Variants in ATP11C observed in about 807,000 individuals in gnomAD.
The protein encoded by ATP11C is phospholipid-transporting ATPase IG.
In ATP11C, 36 loss-of-function variants were observed where a neutral mutation model predicts 97.4. That is an observed-to-expected ratio of 0.37 (90% CI 0.28 to 0.49). The LOEUF is 0.49. Among genes scored for constraint, ATP11C ranks in the 20% least tolerant of loss-of-function variants. The pLI is 0.98. For missense variants in ATP11C, 730 were observed against 824.6 expected (o/e 0.89, Z 1.40); for synonymous variants, 275 against 290.9 (o/e 0.95, Z 0.56).
chrX:139,880,709 T>C (rs2084548184), intron 1 of ATP11C, among the ~76,000 whole-genome samples: 1 of 111,928 alleles, frequency 8.9e-6, no homozygotes, highest in Non-Finnish European at 1.9e-5. Flanking sequence ...GGGGGATACA[T>C]CATGCACTCG....
intron 1 of ATP11C, among the ~76,000 whole-genome samples, chrX:139,892,989 AAGG>A (rs2084752938): frequency 8.9e-6 from 1 of 112,025 alleles, no homozygotes. Context: ...CACAGAAAGA[AAGG>A]AGAAGAGGAA....
At chrX:139,863,095 T>C (rs2084229123) in intron 1 of ATP11C, among the ~76,000 whole-genome samples, 1 of 111,813 alleles carries the variant, frequency 8.9e-6, no homozygotes, top group Admixed American at 9.5e-5. Context: ...CTGCCAAAAT[T>C]ATACCATGTG....
chrX:139,743,787 C>G (rs1415461842), intron 25 of ATP11C, among the ~76,000 whole-genome samples, 163 bp from the exon 26 acceptor site: 1 of 111,420 alleles, frequency 9.0e-6, no homozygotes, highest in Non-Finnish European at 1.9e-5. Flanking sequence ...GGCCACAATG[C>G]CAGATTTTCC....
intron 1 of ATP11C, among the ~76,000 whole-genome samples, chrX:139,887,839 C>T (rs1171217756): frequency 9.3e-6 from 1 of 107,297 alleles, no homozygotes; most frequent in Non-Finnish European, 1.9e-5. Flanking sequence ...GGCATGGTAG[C>T]ATGCACCTAT....
At chrX:139,850,276 G>A (rs760755316) in intron 1 of ATP11C, among the ~76,000 whole-genome samples, 4 of 111,199 alleles carry the variant, frequency 3.6e-5, no homozygotes, top group Non-Finnish European at 3.8e-5. Flanking sequence ...CGTGCTATGG[G>A]GAAAGTCTGA....
At chrX:139,841,696 G>A (rs2083834107) in intron 1 of ATP11C, among the ~76,000 whole-genome samples, 1 of 112,193 alleles carries the variant, frequency 8.9e-6, no homozygotes, top group East Asian at 2.8e-4. Context: ...CACCTAAGTG[G>A]TATATTTCAA....
chrX:139,906,389 C>A, intron 1 of ATP11C, among the ~76,000 whole-genome samples: 1 of 103,871 alleles, frequency 9.6e-6, no homozygotes, highest in African/African-American at 3.5e-5. Flanking sequence ...TGTACTCCAG[C>A]CTTGGTGACA....
In ATP11C at chrX:139,763,364, C is replaced by T; in HGVS notation, c.2446G>A (p.Asp816Asn). The T allele has an allele frequency of 8.3e-7, 1 of 1,210,718 alleles. No individual in the cohort carries two copies. Among genetic ancestry groups the T allele is most frequent in the Non-Finnish European group, 1.1e-6 (1 of 894,387 alleles). Residue 816 changes from aspartate to asparagine, a missense_variant, in exon 21 of 30, where the codon GAT (aspartate) becomes AAT (asparagine). Physicochemically the swap from Asp to Asn is conservative, Grantham distance 23. Transcript: ENST00000682941. Reference protein sequence around the residue: ...KGSPITLSIGDGANDVSMILE... With the variant: ...KGSPITLSIGNGANDVSMILE... ...ATCATACTAACATCATTGGCACCAT[C>T]ACCTATCGACAGAGTTATTGGGCTG...
intron 1 of ATP11C, among the ~76,000 whole-genome samples, chrX:139,876,248 T>C (rs2148031948): frequency 8.9e-6 from 1 of 112,023 alleles, no homozygotes; most frequent in South Asian, 3.7e-4. Context: ...CTACAGCCAC[T>C]TCTCTAACAA....
rs957713375 is a variant in ATP11C, at chrX:139,856,871, T to C, written c.28-30048A>G. On this transcript the variant is annotated intron_variant, in intron 1 of 29. Transcript: ENST00000682941. ...ATGGCTTGGGAAAATAGGACAGCCT[T>C]AGACATGATATTAGCAGAAAGAGGA... 7.2e-5 allele frequency among the ~76,000 whole-genome samples: 8 copies of C among 111,809 alleles called. No homozygotes were observed. In the South Asian group the frequency reaches 1.9e-3, roughly 26 times the overall value.
intron 1 of ATP11C, among the ~76,000 whole-genome samples, chrX:139,906,028 A>C (rs1241341407): frequency 9.0e-6 from 1 of 111,207 alleles, no homozygotes; most frequent in Non-Finnish European, 1.9e-5. Flanking sequence ...TCTACAGTCC[A>C]AGTATGTGCA....
chrX:139,841,573 A>G (rs2083831361), intron 1 of ATP11C, among the ~76,000 whole-genome samples: 1 of 112,113 alleles, frequency 8.9e-6, no homozygotes, highest in Admixed American at 9.4e-5. Flanking sequence ...AGAGGTAAGG[A>G]AAACTCTCCT....
At chrX:139,873,302 T>G (rs1460166408) in intron 1 of ATP11C, among the ~76,000 whole-genome samples, 1 of 112,339 alleles carries the variant, frequency 8.9e-6, no homozygotes, top group Non-Finnish European at 1.9e-5. Context: ...GTTTATTGTT[T>G]AATGAATACA....
intron 24 of ATP11C, among the ~76,000 whole-genome samples, chrX:139,747,346 CATG>C (rs1270232275): frequency 9.0e-6 from 1 of 111,426 alleles, no homozygotes; most frequent in Non-Finnish European, 1.9e-5. Flanking sequence ...GCAGGAGCAG[CATG>C]ATATGTTGAA....
intron 1 of ATP11C, among the ~76,000 whole-genome samples, chrX:139,887,903 G>A (rs1305188146): frequency 2.9e-5 from 3 of 104,528 alleles, no homozygotes; most frequent in Non-Finnish European, 3.9e-5. Context: ...CCCAGGAGGC[G>A]GAGGTTTCAG....
chrX:139,768,134 T>C, intron 20 of ATP11C, 126 bp downstream of exon 20: 1 of 459,461 alleles, frequency 2.2e-6, no homozygotes, highest in Non-Finnish European at 3.2e-6. Flanking sequence ...AAAGAAGCCT[T>C]GGAGGAAGAA....
intron 23 of ATP11C, among the ~76,000 whole-genome samples, chrX:139,752,567 G>T (rs1185154735): frequency 9.0e-6 from 1 of 111,517 alleles, no homozygotes; most frequent in African/African-American, 3.3e-5. Context: ...TTTGTGCTTG[G>T]TAAACATATT....
chrX:139,805,382 T>C lies in ATP11C; in HGVS notation c.427-783A>G, dbSNP rs917463474. ...GACCTTAAATAAGTGTCTTAGACGATTGCAACTACCTCAGAGAATTAATGT... is the reference window on the plus strand; with the variant it reads ...GACCTTAAATAAGTGTCTTAGACGACTGCAACTACCTCAGAGAATTAATGT... On this transcript the variant is annotated intron_variant, in intron 5 of 29. Transcript: ENST00000682941. Among the ~76,000 whole-genome samples the C allele has an allele frequency of 4.5e-5, 5 of 111,932 alleles. No homozygotes were observed. The South Asian group carries it at 1.5e-3, about 34-fold the overall frequency.
chrX:139,804,424 T>C, intron 6 of ATP11C, 47 bp downstream of exon 6: 1 of 1,097,545 alleles, frequency 9.1e-7, no homozygotes. Context: ...TATTGTATGA[T>C]TAACTATCCT....
Sources: gnomAD v4.1 joint callset for allele counts (sites outside exome capture counted in the v4.1 genomes callset) on GRCh38, gnomAD v4.1.1 for gene constraint, MANE v1.5 for transcripts, NCBI Gene and HGNC (gene_info 2026-07-23, HGNC 2026-07-21) for gene names.